Variants in CCDC178 observed in about 807,000 individuals in gnomAD.
CCDC178 encodes coiled-coil domain containing 178.
CCDC178 carries 126 observed loss-of-function variants against 117.4 expected under a neutral mutation model. That is an observed-to-expected ratio of 1.07 (90% CI 0.93 to 1.24). The LOEUF (loss-of-function observed/expected upper bound fraction) is 1.24, where lower values mean the gene tolerates loss of function less well. CCDC178 is among the 50% of genes most tolerant of loss of function. CCDC178 has a pLI of 0.00. For missense variants in CCDC178, 1,030 were observed against 986.9 expected (o/e 1.04, Z -0.59); for synonymous variants, 283 against 313.4 (o/e 0.90, Z 1.02).
At chr18:33,036,986 G>C (rs2056456660) in intron 21 of CCDC178, among the ~76,000 whole-genome samples, 1 of 151,928 alleles carries the variant, frequency 6.6e-6, no homozygotes, top group Non-Finnish European at 1.5e-5. Flanking sequence ...GTGAAAGAAG[G>C]AGAGTCTTGA....
intron 20 of CCDC178, among the ~76,000 whole-genome samples, chr18:33,101,305 C>A (rs1267549935): frequency 6.6e-6 from 1 of 151,198 alleles, no homozygotes; most frequent in Non-Finnish European, 1.5e-5. Context: ...TAAAAGTCTG[C>A]TCCTCTTTTC....
intron 21 of CCDC178, among the ~76,000 whole-genome samples, chr18:33,029,832 T>C (rs2056300667): frequency 6.6e-6 from 1 of 152,028 alleles, no homozygotes. Flanking sequence ...TTTCATATCT[T>C]GTTTTTCAGA....
chr18:32,983,137 CT>C, intron 21 of CCDC178: 1 of 495,572 alleles, frequency 2.0e-6, no homozygotes. Context: ...AAAATAAAAT[CT>C]AAAAAAAAAA....
At chr18:33,406,426 T>C (rs1568206678) in intron 3 of CCDC178, among the ~76,000 whole-genome samples, 1 of 152,016 alleles carries the variant, frequency 6.6e-6, no homozygotes, top group Admixed American at 6.6e-5. Flanking sequence ...AAATATTTCA[T>C]AATATGAAAG....
chr18:33,363,124 TA>T (rs1008931169), intron 6 of CCDC178, among the ~76,000 whole-genome samples: 13 of 151,614 alleles, frequency 8.6e-5, no homozygotes, highest in Non-Finnish European at 1.3e-4. Context: ...AAATTTTATT[TA>T]AAAAAAACAA....
intron 18 of CCDC178, among the ~76,000 whole-genome samples, chr18:33,221,479 T>C (rs1240221288): frequency 6.6e-6 from 1 of 152,080 alleles, no homozygotes; most frequent in Non-Finnish European, 1.5e-5. Flanking sequence ...GCCTGTAGTG[T>C]GTGAGAATAC....
At chr18:33,093,318 T>C (rs1387030716) in intron 20 of CCDC178, among the ~76,000 whole-genome samples, 4 of 152,008 alleles carry the variant, frequency 2.6e-5, no homozygotes, top group South Asian at 2.1e-4. Context: ...CTTAAATGAG[T>C]AGATGGTACC....
intron 15 of CCDC178, among the ~76,000 whole-genome samples, chr18:33,243,423 T>C (rs1208775487): frequency 1.3e-5 from 2 of 151,960 alleles, no homozygotes; most frequent in South Asian, 2.1e-4. Flanking sequence ...AAAGAAATGA[T>C]AAATGTTTGA....
At chr18:32,974,279 G>GA (rs1215561315) in intron 22 of CCDC178, among the ~76,000 whole-genome samples, 2 of 151,744 alleles carry the variant, frequency 1.3e-5, no homozygotes, top group East Asian at 1.9e-4. Context: ...CTGAAGATTT[G>GA]AAAAAAAATT....
At chr18:32,974,042 T>C (rs1217542341) in intron 22 of CCDC178, among the ~76,000 whole-genome samples, 4 of 152,180 alleles carry the variant, frequency 2.6e-5, no homozygotes, top group Non-Finnish European at 5.9e-5. Flanking sequence ...AAATCTCACA[T>C]GCATCTAGAA....
intron 10 of CCDC178, among the ~76,000 whole-genome samples, chr18:33,331,026 C>CTTT (rs67153629): frequency 4.4e-4 from 20 of 45,052 alleles, no homozygotes; most frequent in Admixed American, 8.8e-4. Flanking sequence ...ACAAACATTG[C>CTTT]TTTTTTTTTT....
At chr18:33,101,794 T>C (rs1022057150) in intron 20 of CCDC178, among the ~76,000 whole-genome samples, 7 of 151,938 alleles carry the variant, frequency 4.6e-5, no homozygotes, top group African/African-American at 1.7e-4. Flanking sequence ...CCAGAACACA[T>C]ATTATGGCAT....
At chr18:33,191,829 G>A (rs1470654417) in intron 20 of CCDC178, among the ~76,000 whole-genome samples, 1 of 152,030 alleles carries the variant, frequency 6.6e-6, no homozygotes, top group African/African-American at 2.4e-5. Context: ...AAAATATAGT[G>A]AGATAAATAT....
At chr18:32,945,570 G>A (rs545524839) in intron 22 of CCDC178, among the ~76,000 whole-genome samples, 1 of 152,242 alleles carries the variant, frequency 6.6e-6, no homozygotes, top group African/African-American at 2.4e-5. Context: ...AGCTCAATAT[G>A]AGCTTTCACT....
intron 21 of CCDC178, among the ~76,000 whole-genome samples, chr18:32,992,254 G>A (rs1159427034): frequency 6.6e-6 from 1 of 151,680 alleles, no homozygotes; most frequent in Non-Finnish European, 1.5e-5. Context: ...ATGATATGTG[G>A]GATTATCAAA....
intron 14 of CCDC178, among the ~76,000 whole-genome samples, chr18:33,261,746 T>G (rs1239128794): frequency 6.6e-6 from 1 of 152,126 alleles, no homozygotes; most frequent in Non-Finnish European, 1.5e-5. Context: ...TATTAAATTA[T>G]AAAATAAAAT....
At chr18:33,316,412 C>A (rs565195434) in intron 11 of CCDC178, among the ~76,000 whole-genome samples, 1 of 152,146 alleles carries the variant, frequency 6.6e-6, no homozygotes, top group African/African-American at 2.4e-5. Flanking sequence ...GCTGCCTCCC[C>A]GTGAGGCAGC....
intron 5 of CCDC178, among the ~76,000 whole-genome samples, chr18:33,376,789 T>C (rs2063372854): frequency 6.6e-6 from 1 of 152,196 alleles, no homozygotes; most frequent in African/African-American, 2.4e-5. Flanking sequence ...ATTTCATTCT[T>C]TTTTATGGCA....
At chr18:33,266,646 TA>T (rs2059819330) in intron 14 of CCDC178, among the ~76,000 whole-genome samples, 1 of 68,612 alleles carries the variant, frequency 1.5e-5, no homozygotes, top group Admixed American at 2.0e-4. Context: ...TGTTGTGGGG[TA>T]GGGGGAGGGG....
Sources: gnomAD v4.1 joint callset for allele counts (sites outside exome capture counted in the v4.1 genomes callset) on GRCh38, gnomAD v4.1.1 for gene constraint, MANE v1.5 for transcripts, NCBI Gene and HGNC (gene_info 2026-07-23, HGNC 2026-07-21) for gene names.